The following ZNF44 variants were observed in gnomAD, a reference collection of about 807,000 sequenced individuals.
The protein encoded by ZNF44 is gonadotropin inducible transcription repressor-2.
Under a neutral mutation model 11.7 loss-of-function variants are expected in ZNF44, and 9 were observed. The ratio of observed to expected loss-of-function variants is 0.77; its 90% CI spans 0.46 to 1.35. The LOEUF (loss-of-function observed/expected upper bound fraction) is 1.35, where lower values mean the gene tolerates loss of function less well. Among genes scored for constraint, ZNF44 ranks in the 40% most tolerant of loss-of-function variants. The probability of loss-of-function intolerance (pLI) is 0.00; values close to 1 mark genes in which losing one functional copy is unlikely to be tolerated. For missense variants in ZNF44, 696 were observed against 743.1 expected (o/e 0.94, Z 0.74); for synonymous variants, 224 against 242.7 (o/e 0.92, Z 0.72).
chr19:12,248,380 T>C (rs907118010), exon 8 of ZNF44: 1 of 1,291,298 alleles, frequency 7.7e-7, no homozygotes, highest in Non-Finnish European at 1.0e-6. Context: ...ATCCCTGCAC[T>C]GTGTGTTCTT....
chr19:12,252,217 C>T (rs1257543028), intron 5 of ZNF44, among the ~76,000 whole-genome samples: 1 of 152,014 alleles, frequency 6.6e-6, no homozygotes, highest in East Asian at 1.9e-4. Context: ...GAAGTGATTC[C>T]CCAGCCACTC....
intron 1 of ZNF44, among the ~76,000 whole-genome samples, chr19:12,277,645 T>C (rs1480955599): frequency 6.6e-6 from 1 of 152,070 alleles, no homozygotes; most frequent in Non-Finnish European, 1.5e-5. Flanking sequence ...AAGTGAAAAA[T>C]GATAGAAAAG....
downstream of ZNF44, among the ~76,000 whole-genome samples, chr19:12,225,836 T>C (rs1915892553): frequency 6.6e-6 from 1 of 152,218 alleles, no homozygotes; most frequent in African/African-American, 2.4e-5. Context: ...TATTTTAGCT[T>C]AAGGTTTCCT....
At chr19:12,285,809 G>A (rs1309249859) in intron 1 of ZNF44, among the ~76,000 whole-genome samples, 1 of 152,032 alleles carries the variant, frequency 6.6e-6, no homozygotes, top group African/African-American at 2.4e-5. Flanking sequence ...ACGAGGTCAG[G>A]AGATCGAGAC....
rs570787872 is a variant in ZNF44, at chr19:12,259,981, G to A, written c.1913-9613C>T. 49 of 337,958 alleles carry A rather than the reference G, an allele frequency of 1.4e-4. 1 individual carries two copies. Among genetic ancestry groups the A allele is most frequent in the South Asian group, 1.3e-3 (49 of 37,756 alleles). 20.9% of individuals were successfully genotyped at this position (337,958 alleles called of 1,614,324 possible). A position where few individuals can be genotyped will look rare whatever the true frequency, so the allele number is the denominator to read the frequency against. On this transcript the variant is annotated intron_variant and NMD_transcript_variant, in intron 5 of 7. Coordinates refer to the ZNF44 transcript ENST00000393337. ...TTTTTGAAGGACTGCTCTTCCAGGG[G>A]CAGCCACATAATGACCAACCTCTGA...
chr19:12,247,580 GTA>G, downstream of ZNF44: 1 of 1,338,072 alleles, frequency 7.5e-7, no homozygotes, highest in Non-Finnish European at 9.9e-7. Context: ...CAAGAGTAAT[GTA>G]TGTTTTCCCA....
chr19:12,260,282 G>A, intron 5 of ZNF44: 1 of 843,272 alleles, frequency 1.2e-6, no homozygotes, highest in Non-Finnish European at 2.1e-6. Flanking sequence ...GCGTGGAGCC[G>A]GCAGCCGAGG....
At chr19:12,267,046 T>TTC (rs1568437678), downstream of ZNF44, among the ~76,000 whole-genome samples, 4 of 148,326 alleles carry the variant, frequency 2.7e-5, no homozygotes, top group Admixed American at 6.7e-5. Context: ...CTTTTTTCTT[T>TTC]TTTTTTTTTT....
At chr19:12,286,386 AGCACTTT>A (rs1419983829) in intron 1 of ZNF44, among the ~76,000 whole-genome samples, 4 of 152,208 alleles carry the variant, frequency 2.6e-5, no homozygotes, top group Non-Finnish European at 4.4e-5. Flanking sequence ...CTGTAATCCC[AGCACTTT>A]GGGAGACCGA....
chr19:12,260,389 C>A (rs1055363344), intron 5 of ZNF44: 18 of 1,410,678 alleles, frequency 1.3e-5, no homozygotes, highest in Non-Finnish European at 1.7e-5. Context: ...GCTGGCGTCA[C>A]GCTCAGCAGC....
downstream of ZNF44, chr19:12,244,482 T>C (rs990948794): frequency 2.0e-5 from 3 of 152,516 alleles, no homozygotes; most frequent in Non-Finnish European, 4.4e-5. Flanking sequence ...ACAGTGTCCA[T>C]TATACCACAG....
chr19:12,285,847 T>C (rs1403002466), intron 1 of ZNF44, among the ~76,000 whole-genome samples: 1 of 151,646 alleles, frequency 6.6e-6, no homozygotes, highest in African/African-American at 2.4e-5. Context: ...TGAAACCCCA[T>C]CTCTACTAAA....
At chr19:12,247,456 T>C (rs756538314), downstream of ZNF44, 1 of 1,333,794 alleles carries the variant, frequency 7.5e-7, no homozygotes, top group Non-Finnish European at 1.0e-6. Flanking sequence ...TTCTCTCCAG[T>C]ATGAATTCGT....
intron 3 of ZNF44, among the ~76,000 whole-genome samples, chr19:12,227,057 T>G (rs1479938992): frequency 6.6e-6 from 1 of 152,252 alleles, no homozygotes; most frequent in African/African-American, 2.4e-5. Flanking sequence ...AGCAAGACTC[T>G]GTCTTAAAAA....
chr19:12,280,285 G>T (rs1169043962), intron 1 of ZNF44, among the ~76,000 whole-genome samples: 1 of 152,132 alleles, frequency 6.6e-6, no homozygotes, highest in African/African-American at 2.4e-5. Flanking sequence ...ACTAATGAAT[G>T]AAAGTAATGT....
intron 1 of ZNF44, among the ~76,000 whole-genome samples, chr19:12,282,775 T>C (rs1174191240): frequency 6.6e-6 from 1 of 152,154 alleles, no homozygotes; most frequent in Non-Finnish European, 1.5e-5. Context: ...AAGGATCTTA[T>C]CATGAGTCCC....
At chr19:12,247,991 G>C (rs1292701721) in exon 8 of ZNF44, 1 of 1,343,618 alleles carries the variant, frequency 7.4e-7, no homozygotes, top group African/African-American at 1.5e-5. Context: ...GAGCAGAGTT[G>C]TGATATACGA....
chr19:12,290,428 C>G (rs2145770511), intron 1 of ZNF44, among the ~76,000 whole-genome samples: 1 of 146,392 alleles, frequency 6.8e-6, no homozygotes, highest in South Asian at 2.2e-4. Context: ...CCAGGCCAGG[C>G]ACAGTGGTTC....
downstream of ZNF44, chr19:12,226,042 A>T (rs183545592): frequency 2.6e-5 from 4 of 152,234 alleles, no homozygotes; most frequent in African/African-American, 9.6e-5. Context: ...CATGTGTGCT[A>T]TCGTTTTTGA....
Sources: gnomAD v4.1 joint callset for allele counts (sites outside exome capture counted in the v4.1 genomes callset) on GRCh38, gnomAD v4.1.1 for gene constraint, MANE v1.5 for transcripts, NCBI Gene and HGNC (gene_info 2026-07-23, HGNC 2026-07-21) for gene names.